DCAF8L2: variants seen among roughly 807,000 people sequenced by gnomAD.
DCAF8L2 encodes DDB1- and CUL4-associated factor 8-like protein 2.
For synonymous variants in DCAF8L2, 200 were observed against 190.9 expected (o/e 1.05, Z -0.39); for missense variants, 430 against 490.7 (o/e 0.88, Z 1.17).
intron 2 of DCAF8L2, among the ~76,000 whole-genome samples, chrX:27,642,280 G>C (rs1928766102): frequency 9.0e-6 from 1 of 110,984 alleles, no homozygotes; most frequent in East Asian, 2.8e-4. Context: ...TCTTATGCAG[G>C]ACCACATAAG....
chrX:27,512,821 G>GACATCAC, the DCAF8L2 span, among the ~76,000 whole-genome samples: 1,368 of 60,873 alleles, frequency 0.022, 60 homozygotes, highest in African/African-American at 0.089. Flanking sequence ...CAAAGCTGGA[G>GACATCAC]ACATCACACT....
chrX:27,708,802 G>C (rs1931426470), intron 3 of DCAF8L2, among the ~76,000 whole-genome samples: 1 of 112,450 alleles, frequency 8.9e-6, no homozygotes, highest in Non-Finnish European at 1.9e-5. Context: ...CCAATCTCAA[G>C]TAGCATTTCT....
At chrX:27,525,053 G>T in the DCAF8L2 span, among the ~76,000 whole-genome samples, 1 of 111,695 alleles carries the variant, frequency 9.0e-6, no homozygotes, top group Non-Finnish European at 1.9e-5. Flanking sequence ...GGTCTGCTTG[G>T]TGCAGAGCTG....
intron 4 of DCAF8L2, among the ~76,000 whole-genome samples, chrX:27,733,160 G>C (rs1268264058): frequency 9.0e-6 from 1 of 110,757 alleles, no homozygotes; most frequent in Non-Finnish European, 1.9e-5. Flanking sequence ...CCCGGCCATG[G>C]TTTCCCTTTT....
In DCAF8L2 at chrX:27,748,346, T is replaced by C. The variant is rs1922383428; in HGVS notation, c.1451T>C (p.Phe484Ser). Residue 484 changes from phenylalanine to serine, a missense_variant, in exon 5 of 5, where the codon TTT becomes TCT. Phe to Ser is a radical substitution (Grantham distance 155). Coordinates refer to ENST00000451261, the MANE Select transcript of DCAF8L2 (RefSeq NM_001353450.2). ...GVNFYGPRSE[F>S]VVSGSDCGHI... Reference sequence around the variant, plus strand: ...AATTTCTATGGCCCCAGGAGTGAGTTTGTAGTGAGCGGTAGTGATTGCGGG... The same window carrying C: ...AATTTCTATGGCCCCAGGAGTGAGTCTGTAGTGAGCGGTAGTGATTGCGGG... 2.5e-6 allele frequency: 3 copies of C among 1,208,015 alleles called. No individual in the cohort carries two copies. Among genetic ancestry groups the C allele is most frequent in the East Asian group, 3.0e-5 (1 of 33,788 alleles).
the DCAF8L2 span, among the ~76,000 whole-genome samples, chrX:27,564,528 G>A: frequency 1.1e-3 from 55 of 50,258 alleles, no homozygotes; most frequent in African/African-American, 3.9e-3. Flanking sequence ...ACACGTGCAC[G>A]CACACACATG....
chrX:27,732,482 G>A lies in DCAF8L2; in HGVS notation c.-58-14356G>A, dbSNP rs180999213. 3.0e-3 allele frequency among the ~76,000 whole-genome samples: 252 copies of A among 83,902 alleles called. 1 individual carries two copies. The highest frequency in any genetic ancestry group is 0.011 in the African/African-American group (237 of 21,644). The allele number at this position is 83,902 out of a possible 115,157, so 72.9% of individuals were successfully genotyped here. The stretch of plus-strand genomic sequence containing the variant: ...TTTTCTAAGGCTTAATAATTTTCCT[G>A]TGTGTGTGCGCGTGTGTGTGTGTGT... On this transcript the variant is annotated intron_variant, in intron 4 of 4. Transcript: ENST00000451261.
chrX:27,565,482 CTTATG>C, the DCAF8L2 span, among the ~76,000 whole-genome samples: 2 of 111,567 alleles, frequency 1.8e-5, no homozygotes, highest in African/African-American at 6.5e-5. Context: ...GATTTTTACT[CTTATG>C]TTATCAGGGA....
At chrX:27,604,354 G>C (rs755125016) in intron 1 of DCAF8L2, among the ~76,000 whole-genome samples, 1 of 110,944 alleles carries the variant, frequency 9.0e-6, no homozygotes, top group Non-Finnish European at 1.9e-5. Flanking sequence ...TGCCAGCCAA[G>C]GAGAAGATTT....
chrX:27,615,524 AATCT>A (rs368679663), intron 1 of DCAF8L2, among the ~76,000 whole-genome samples: 49 of 104,458 alleles, frequency 4.7e-4, no homozygotes, highest in South Asian at 4.0e-3. Flanking sequence ...AGATTCTATC[AATCT>A]ATCTATCTAT....
At chrX:27,730,090 G>A (rs1921099526) in intron 4 of DCAF8L2, among the ~76,000 whole-genome samples, 1 of 111,773 alleles carries the variant, frequency 8.9e-6, no homozygotes, top group Admixed American at 9.5e-5. Flanking sequence ...TAATCCTCGT[G>A]TGGGTGTAGA....
At chrX:27,724,927 T>C (rs1932019217) in intron 4 of DCAF8L2, among the ~76,000 whole-genome samples, 1 of 111,164 alleles carries the variant, frequency 9.0e-6, no homozygotes, top group Non-Finnish European at 1.9e-5. Flanking sequence ...TAAGTAAGTG[T>C]ATATATTCCG....
the DCAF8L2 span, among the ~76,000 whole-genome samples, chrX:27,472,752 A>G: frequency 8.9e-6 from 1 of 111,920 alleles, no homozygotes; most frequent in African/African-American, 3.3e-5. Context: ...ATAGTATTCC[A>G]TTATGTATAT....
chrX:27,671,499 A>G (rs1451013983), intron 2 of DCAF8L2, among the ~76,000 whole-genome samples: 1 of 111,817 alleles, frequency 8.9e-6, no homozygotes, highest in African/African-American at 3.3e-5. Context: ...CACATCCTTA[A>G]AGGGGAAGCG....
At chrX:27,589,886 A>G (rs1355277250), upstream of DCAF8L2, among the ~76,000 whole-genome samples, 7 of 112,095 alleles carry the variant, frequency 6.2e-5, no homozygotes, top group East Asian at 1.7e-3. Flanking sequence ...TCCTGAACTG[A>G]TGATATTACC....
intron 2 of DCAF8L2, chrX:27,633,692 C>G (rs1209162281): frequency 8.9e-6 from 1 of 111,932 alleles, no homozygotes; most frequent in East Asian, 2.8e-4. Context: ...AGAGCCTCTG[C>G]TTCAGTGTAC....
chrX:27,652,400 G>A (rs1822220033), intron 2 of DCAF8L2, among the ~76,000 whole-genome samples: 2 of 111,574 alleles, frequency 1.8e-5, no homozygotes, highest in Admixed American at 9.6e-5. Context: ...CAGCGTCCCA[G>A]AAGTAGGACT....
At chrX:27,535,298 T>A in the DCAF8L2 span, among the ~76,000 whole-genome samples, 1 of 112,141 alleles carries the variant, frequency 8.9e-6, no homozygotes, top group East Asian at 2.8e-4. Context: ...CACATCTATT[T>A]ATATTACCAA....
chrX:27,567,546 CATATATATATATATATATATAT>C, the DCAF8L2 span, among the ~76,000 whole-genome samples: 477 of 29,628 alleles, frequency 0.016, 13 homozygotes, highest in African/African-American at 0.046. Context: ...ACCACTGTAG[CATATATATATATATATATATAT>C]ATATATATAT....
Sources: allele counts gnomAD v4.1 joint callset (sites outside exome capture counted in the v4.1 genomes callset), GRCh38; gene constraint gnomAD v4.1.1; transcripts MANE v1.5; gene names NCBI Gene and HGNC (gene_info 2026-07-23, HGNC 2026-07-21).